VPS26C: variants seen among roughly 807,000 people sequenced by gnomAD.
VPS26C encodes the protein VPS26 endosomal protein sorting factor C.
In VPS26C, 19 loss-of-function variants were observed where a neutral mutation model predicts 30.6. That is an observed-to-expected ratio of 0.62 (90% CI 0.43 to 0.91). The LOEUF is 0.91. Among genes scored for constraint, VPS26C ranks in the 40% least tolerant of loss-of-function variants. The pLI is 0.00. For missense variants in VPS26C, 318 were observed against 385.1 expected (o/e 0.83, Z 1.46); for synonymous variants, 132 against 151.5 (o/e 0.87, Z 0.95).
chr21:37,267,353 G>T, upstream of VPS26C: 1 of 1,505,440 alleles, frequency 6.6e-7, no homozygotes, highest in Non-Finnish European at 9.2e-7. Context: ...GGAAACAAGG[G>T]GCGCCTCCCC....
At chr21:37,235,901 T>A (rs1039677566) in intron 3 of VPS26C, among the ~76,000 whole-genome samples, 2 of 148,318 alleles carry the variant, frequency 1.3e-5, no homozygotes, top group African/African-American at 4.9e-5. Context: ...AATTAAAAAA[T>A]TTTTTTCTTA....
chr21:37,252,303 G>A lies in VPS26C; in HGVS notation c.58-11664C>T, dbSNP rs2086202062. ...GAAAGCGGAAATCAGAAACATTAAA[G>A]AGATTTCAATGTGTTAGGTATCCCC... On this transcript the variant is annotated intron_variant, in intron 1 of 7. Coordinates refer to ENST00000309117, the MANE Select transcript of VPS26C (RefSeq NM_006052.2). Among the ~76,000 whole-genome samples, 2 of 152,176 alleles carry A rather than the reference G, an allele frequency of 1.3e-5. 1 individual carries two copies. The highest frequency in any genetic ancestry group is 4.1e-4 in the South Asian group (2 of 4,828).
intron 1 of VPS26C, among the ~76,000 whole-genome samples, chr21:37,246,771 T>C (rs1263932322): frequency 6.6e-6 from 1 of 152,222 alleles, no homozygotes; most frequent in Non-Finnish European, 1.5e-5. Flanking sequence ...CATACTTCCA[T>C]ACTTTTAAGA....
At chr21:37,235,868 TATATATA>T (rs1320145121) in intron 3 of VPS26C, among the ~76,000 whole-genome samples, 8,812 of 113,090 alleles carry the variant, frequency 0.078, 334 homozygotes, top group Middle Eastern at 0.094. Context: ...TATATATATA[TATATATA>T]TATATTTTTT....
chr21:37,234,159 C>T (rs1226147093), intron 3 of VPS26C, among the ~76,000 whole-genome samples: 1 of 152,210 alleles, frequency 6.6e-6, no homozygotes, highest in Non-Finnish European at 1.5e-5. Flanking sequence ...ATGCAGTAAC[C>T]CACACATCCA....
chr21:37,229,194 G>C (rs1467834588), intron 5 of VPS26C: 1 of 153,268 alleles, frequency 6.5e-6, no homozygotes, highest in Admixed American at 6.5e-5. Flanking sequence ...TGATGGTCTA[G>C]AGCAGGGGTG....
chr21:37,232,052 C>T (rs74908614), intron 5 of VPS26C: 1 of 312,990 alleles, frequency 3.2e-6, no homozygotes, highest in South Asian at 7.6e-5. Context: ...CCCCGGCTAA[C>T]CATGAGAAAT....
At chr21:37,232,487 A>G (rs1447475527) in intron 4 of VPS26C, 36 bp from the exon 5 acceptor site, 1 of 1,553,404 alleles carries the variant, frequency 6.4e-7, no homozygotes, top group East Asian at 2.2e-5. Context: ...CAGTAGGTGA[A>G]GGCCAAGAGT....
intron 1 of VPS26C, among the ~76,000 whole-genome samples, chr21:37,249,290 T>A (rs1201831655): frequency 6.6e-6 from 1 of 152,156 alleles, no homozygotes; most frequent in Admixed American, 6.5e-5. Context: ...ACAATGAGTG[T>A]ATACCTGAAG....
intron 3 of VPS26C, chr21:37,237,516 G>A (rs2086037770): frequency 6.6e-6 from 1 of 152,150 alleles, no homozygotes; most frequent in South Asian, 2.1e-4. Flanking sequence ...CTGAATCCAG[G>A]TACTACTCAG....
At chr21:37,254,033 C>G (rs1171443185) in intron 1 of VPS26C, among the ~76,000 whole-genome samples, 1 of 152,288 alleles carries the variant, frequency 6.6e-6, no homozygotes, top group African/African-American at 2.4e-5. Flanking sequence ...AGACTCCAGA[C>G]TATAAACCAA....
intron 1 of VPS26C, among the ~76,000 whole-genome samples, chr21:37,264,922 T>C (rs531348659): frequency 1.3e-5 from 2 of 152,272 alleles, no homozygotes; most frequent in East Asian, 3.9e-4. Context: ...CAAAATATGA[T>C]CTATCCATAC....
At position 37,224,523 on chromosome 21, in the gene VPS26C, C is replaced by T. The variant is rs948744485; in HGVS notation, c.*1021G>A. 6.6e-6 allele frequency: 1 copy of T among 152,198 alleles called. No individual in the cohort carries two copies. Among genetic ancestry groups the T allele is most frequent in the African/African-American group, 2.4e-5 (1 of 41,444 alleles). 9.4% of individuals were successfully genotyped at this position (152,198 alleles called of 1,614,324 possible). Reference sequence around the variant, plus strand: ...AGCCTGCGTGACACAGTTTGGAAAACTGTCTCTCTCTATGTATGTATCTGT... The same window carrying T: ...AGCCTGCGTGACACAGTTTGGAAAATTGTCTCTCTCTATGTATGTATCTGT... On this transcript the variant is annotated 3_prime_UTR_variant, in exon 8 of 8. Coordinates refer to ENST00000309117, the MANE Select transcript of VPS26C (RefSeq NM_006052.2).
At chr21:37,244,812 C>T (rs184197703) in intron 1 of VPS26C, among the ~76,000 whole-genome samples, 14 of 152,218 alleles carry the variant, frequency 9.2e-5, no homozygotes, top group African/African-American at 3.1e-4. Flanking sequence ...TGATGAAAAA[C>T]GGAAAGAAGG....
chr21:37,258,888 C>T (rs1188525441), intron 1 of VPS26C, among the ~76,000 whole-genome samples: 6 of 152,354 alleles, frequency 3.9e-5, no homozygotes, highest in Admixed American at 3.9e-4. Flanking sequence ...ACTACATGAA[C>T]ACTTTTGATC....
chr21:37,242,420 G>A (rs1388768627), intron 1 of VPS26C, among the ~76,000 whole-genome samples: 1 of 151,888 alleles, frequency 6.6e-6, no homozygotes, highest in Non-Finnish European at 1.5e-5. Context: ...TGCATAGTGG[G>A]ACTCCTTCTC....
chr21:37,267,679 G>C, upstream of VPS26C: 1 of 289,028 alleles, frequency 3.5e-6, no homozygotes, highest in South Asian at 4.1e-5. Flanking sequence ...TGGAGGCGGA[G>C]CCGAGCCTGT....
chr21:37,242,073 A>G (rs1326662105), intron 1 of VPS26C, among the ~76,000 whole-genome samples: 2 of 152,230 alleles, frequency 1.3e-5, no homozygotes. Context: ...AAACACGATC[A>G]TCTCCATTTT....
chr21:37,237,363 A>C (rs372004930), intron 3 of VPS26C: 1 of 152,250 alleles, frequency 6.6e-6, no homozygotes, highest in Admixed American at 6.5e-5. Context: ...ATCAATGTTC[A>C]AGATATCTTC....
Sources: allele counts gnomAD v4.1 joint callset (sites outside exome capture counted in the v4.1 genomes callset), GRCh38; gene constraint gnomAD v4.1.1; transcripts MANE v1.5; gene names NCBI Gene and HGNC (gene_info 2026-07-23, HGNC 2026-07-21).